The following PCDHGA5 variants were observed in gnomAD, a reference collection of about 807,000 sequenced individuals.
PCDHGA5 encodes the protein protocadherin gamma-A5.
PCDHGA5 carries 36 observed loss-of-function variants against 56.7 expected under a neutral mutation model. The ratio of observed to expected loss-of-function variants is 0.64; its 90% confidence interval spans 0.49 to 0.84. PCDHGA5 has a LOEUF of 0.84. Among genes scored for constraint, PCDHGA5 ranks in the 40% least tolerant of loss-of-function variants. PCDHGA5 has a pLI of 0.00. For missense variants in PCDHGA5, 1,305 were observed against 1,201.5 expected (o/e 1.09, Z -1.27); for synonymous variants, 563 against 520.2 (o/e 1.08, Z -1.12).
chr5:141,421,829 T>C, intron 1 of PCDHGA5: 1 of 1,613,784 alleles, frequency 6.2e-7, no homozygotes, highest in Non-Finnish European at 8.5e-7. Flanking sequence ...GAGGGAAGCC[T>C]GGACCGAGAG....
chr5:141,366,101 G>A lies in PCDHGA5; in HGVS notation c.1771G>A (p.Val591Met), dbSNP rs372607743. Residue 591 changes from valine (V) to methionine (M), a missense_variant, in exon 1 of 4, where the codon GTG (valine) becomes ATG (methionine). Physicochemically the swap from Val to Met is conservative, Grantham distance 21. Coordinates refer to ENST00000518069, the MANE Select transcript of PCDHGA5 (RefSeq NM_018918.3). ...SAEPGYLVTK[V>M]VAVDKDSGQN... ...AGAACCTGGCTACCTGGTGACCAAG[G>A]TGGTAGCGGTGGACAAAGATTCAGG... 3.2e-5 allele frequency: 52 copies of A among 1,614,128 alleles called. No individual in the cohort carries two copies. Among genetic ancestry groups the A allele is most frequent in the Non-Finnish European group, 4.1e-5 (48 of 1,180,056 alleles).
rs755732164 is a variant in PCDHGA5 at position 141,375,200 on chromosome 5, G to T, written c.2421+8449G>T. ...AGTAATCGCCCTTTTTCAAGTGTTC[G>T]ATCGAGACTCTGGCCTGAATGGCCT... On this transcript the variant is annotated intron_variant, in intron 1 of 3. Coordinates refer to ENST00000518069, the MANE Select transcript of PCDHGA5 (RefSeq NM_018918.3). 8.1e-6 allele frequency: 13 copies of T among 1,613,822 alleles called. No individual in the cohort carries two copies. Among genetic ancestry groups the T allele is most frequent in the East Asian group, 2.2e-5 (1 of 44,902 alleles).
chr5:141,382,462 T>C (rs1481999551), intron 1 of PCDHGA5, among the ~76,000 whole-genome samples: 24 of 152,240 alleles, frequency 1.6e-4, no homozygotes, highest in Admixed American at 1.6e-3. Flanking sequence ...AGCAGTTTTT[T>C]AAAAATTATC....
chr5:141,427,974 G>T, intron 1 of PCDHGA5: 1 of 1,594,576 alleles, frequency 6.3e-7, no homozygotes, highest in South Asian at 1.1e-5. Flanking sequence ...GCTGTACCCC[G>T]CGCTGGGGCC....
At chr5:141,370,837 C>G (rs1212771531) in intron 1 of PCDHGA5, 1 of 1,614,004 alleles carries the variant, frequency 6.2e-7, no homozygotes, top group Non-Finnish European at 8.5e-7. Context: ...CTGGCTCTCA[C>G]TGGAGCCACA....
chr5:141,377,724 A>G (rs549902283), intron 1 of PCDHGA5: 1 of 152,362 alleles, frequency 6.6e-6, no homozygotes, highest in South Asian at 2.1e-4. Flanking sequence ...TTTTGAAAAG[A>G]TAAGAATCAT....
At chr5:141,507,852 T>C (rs556569001) in intron 3 of PCDHGA5, among the ~76,000 whole-genome samples, 25 of 152,118 alleles carry the variant, frequency 1.6e-4, no homozygotes, top group Non-Finnish European at 2.6e-4. Context: ...CTGCTCTCAC[T>C]TTCACACCCG....
At chr5:141,479,986 C>T (rs2099510881) in intron 1 of PCDHGA5, among the ~76,000 whole-genome samples, 1 of 152,200 alleles carries the variant, frequency 6.6e-6, no homozygotes, top group Non-Finnish European at 1.5e-5. Flanking sequence ...CATTTACCAA[C>T]TAGGAGTCTG....
At position 141,491,796 on chromosome 5, in the gene PCDHGA5, C is replaced by T. The variant is rs1487915203; in HGVS notation, c.2422-3011C>T. The stretch of plus-strand genomic sequence containing the variant: ...GATTGAACTTGCATCCACTCCTCTC[C>T]GGCCGGCTTGGTCGCTGGCTGCGCT... On this transcript the variant is annotated intron_variant, in intron 1 of 3. Transcript: ENST00000518069. The surrounding 1 kb of genome is among the most constrained non-coding windows in gnomAD (Gnocchi z 6.9). 6.6e-7 allele frequency: 1 copy of T among 1,509,866 alleles called. No homozygotes were observed. The highest frequency in any genetic ancestry group is 2.4e-5 in the Admixed American group (1 of 42,218). The allele number at this position is 1,509,866 out of a possible 1,614,324, so 93.5% of individuals were successfully genotyped here. A position where few individuals can be genotyped will look rare whatever the true frequency, so the allele number is the denominator to read the frequency against.
chr5:141,480,240 C>CAA (rs11374694), intron 1 of PCDHGA5, among the ~76,000 whole-genome samples: 156 of 114,060 alleles, frequency 1.4e-3, no homozygotes, highest in Admixed American at 4.6e-3. Flanking sequence ...CCTGTCTCTA[C>CAA]AAAAAAAAAA....
intron 1 of PCDHGA5, chr5:141,392,909 C>T: frequency 1.2e-6 from 2 of 1,613,876 alleles, no homozygotes; most frequent in Admixed American, 3.3e-5. Flanking sequence ...GACAGATTCG[C>T]TACTCTGTGC....
chr5:141,398,026 C>G, intron 1 of PCDHGA5: 2 of 1,446,724 alleles, frequency 1.4e-6, no homozygotes, highest in Admixed American at 2.6e-5. Context: ...TAAACTGGAA[C>G]TGGAACTAAA....
intron 1 of PCDHGA5, chr5:141,391,260 A>G (rs2092328802): frequency 1.3e-5 from 2 of 152,128 alleles, no homozygotes; most frequent in African/African-American, 4.8e-5. Flanking sequence ...TGCTTCAGTT[A>G]ATGGCCACTT....
intron 1 of PCDHGA5, chr5:141,399,397 G>C: frequency 1.2e-6 from 2 of 1,613,940 alleles, no homozygotes; most frequent in Non-Finnish European, 8.5e-7. Context: ...CACAGACAGG[G>C]GCAAGCCGCC....
intron 1 of PCDHGA5, among the ~76,000 whole-genome samples, chr5:141,439,495 C>A (rs142329128): frequency 6.6e-6 from 1 of 152,206 alleles, no homozygotes; most frequent in Non-Finnish European, 1.5e-5. Context: ...CAGTGAGAAA[C>A]GTCTTTCTCT....
chr5:141,372,480 T>C (rs777083908), intron 1 of PCDHGA5: 5 of 1,613,930 alleles, frequency 3.1e-6, no homozygotes, highest in African/African-American at 2.7e-5. Flanking sequence ...AGTAGTGGCG[T>C]TGGCCTTGAT....
intron 1 of PCDHGA5, among the ~76,000 whole-genome samples, chr5:141,373,763 G>A (rs951115131): frequency 6.6e-6 from 1 of 152,192 alleles, no homozygotes; most frequent in African/African-American, 2.4e-5. Context: ...AATATTATGA[G>A]TGTCATCTCT....
intron 1 of PCDHGA5, chr5:141,372,557 C>T (rs1157406998): frequency 5.0e-6 from 8 of 1,614,048 alleles, no homozygotes; most frequent in Admixed American, 3.3e-5. Context: ...CCTCCAGACC[C>T]GCCACTGAGG....
intron 2 of PCDHGA5, among the ~76,000 whole-genome samples, chr5:141,505,146 A>G (rs2099844101): frequency 6.6e-6 from 1 of 152,190 alleles, no homozygotes; most frequent in Non-Finnish European, 1.5e-5. Flanking sequence ...TGGATGACAG[A>G]GTAAGACCCT....
Sources: allele counts gnomAD v4.1 joint callset (sites outside exome capture counted in the v4.1 genomes callset), GRCh38; gene constraint gnomAD v4.1.1; non-coding constraint Gnocchi (gnomAD v3.1); transcripts MANE v1.5; gene names NCBI Gene and HGNC (gene_info 2026-07-23, HGNC 2026-07-21).